The following DCP1B variants were observed in gnomAD, a reference collection of about 807,000 sequenced individuals.
The protein encoded by DCP1B is mRNA-decapping enzyme 1B.
A neutral mutation model predicts 60.5 loss-of-function variants in DCP1B; 47 were observed. The observed-to-expected ratio is 0.78, with a 90% CI of 0.61 to 0.99. The LOEUF is 0.99. Ranked by LOEUF, DCP1B falls within the 50% of genes least tolerant of loss-of-function variation. The pLI, the probability that DCP1B is intolerant of heterozygous loss-of-function variation, is 0.00. For missense variants in DCP1B, 725 were observed against 756.8 expected (o/e 0.96, Z 0.49); for synonymous variants, 267 against 280.3 (o/e 0.95, Z 0.47).
In DCP1B at chr12:2,004,385, A is replaced by C; in HGVS notation, c.47T>G (p.Ile16Ser). ...AGGLVGKGRDISLAALQRHDP... is the reference protein window; with the variant it reads ...AGGLVGKGRDSSLAALQRHDP... ...GTGGCGCTGCAGGGCCGCTAGGCTG[A>C]TGTCGCGCCCCTTTCCCACCAGGCC... The change falls in exon 1 of 9, where the codon ATC becomes AGC. Residue 16 changes from isoleucine (I) to serine (S), a missense_variant. Coordinates refer to ENST00000280665, the MANE Select transcript of DCP1B (RefSeq NM_152640.5). 2 of 1,612,676 alleles carry C rather than the reference A, an allele frequency of 1.2e-6. No individual in the cohort carries two copies. Among genetic ancestry groups the C allele is most frequent in the Non-Finnish European group, 1.7e-6 (2 of 1,179,762 alleles).
At chr12:1,993,529 C>T in intron 2 of DCP1B, 138 bp from the exon 3 acceptor site, 1 of 992,138 alleles carries the variant, frequency 1.0e-6, no homozygotes, top group Non-Finnish European at 1.5e-6. Flanking sequence ...TGTACACGTA[C>T]TTCTTCACCA....
At chr12:1,992,417 G>T (rs1343594703) in intron 3 of DCP1B, 5 of 153,148 alleles carry the variant, frequency 3.3e-5, no homozygotes, top group African/African-American at 1.2e-4. Flanking sequence ...CATGTATCTT[G>T]AGTTCAAAGA....
intron 1 of DCP1B, among the ~76,000 whole-genome samples, chr12:2,001,848 T>C (rs2042263541): frequency 6.6e-6 from 1 of 152,230 alleles, no homozygotes; most frequent in African/African-American, 2.4e-5. Flanking sequence ...CACAACACTC[T>C]TCCCTTCAGT....
In DCP1B at chr12:1,952,813, G is replaced by T. The variant is rs756294843; in HGVS notation, c.1127C>A (p.Pro376His). 2 of 1,614,198 alleles carry T rather than the reference G, an allele frequency of 1.2e-6. No individual in the cohort carries two copies. The highest frequency in any genetic ancestry group is 2.2e-5 in the South Asian group (2 of 91,084). ...GCGGTTCAGGGCAGCTGAGCTGGCA[G>T]GTGCTGGTGTACTAGGGTCACACTT... ...ANKCDPSTPAPASSAALNRSR... is the reference protein window; with the variant it reads ...ANKCDPSTPAHASSAALNRSR... Residue 376 changes from proline to histidine, a missense_variant, in exon 7 of 9, where the codon CCT (proline) becomes CAT (histidine). Pro to His is a moderately conservative substitution (Grantham distance 77, BLOSUM62 -2). Coordinates refer to ENST00000280665, the MANE Select transcript of DCP1B (RefSeq NM_152640.5).
chr12:1,979,527 G>A (rs112374329), intron 3 of DCP1B, among the ~76,000 whole-genome samples: 4,151 of 152,178 alleles, frequency 0.027, 95 homozygotes, highest in Middle Eastern at 0.061. Flanking sequence ...GGCCAGGCTC[G>A]TCTCGAACTC....
chr12:1,971,143 G>A lies in DCP1B; in HGVS notation c.320-3233C>T. 9 of 1,289,508 alleles carry A rather than the reference G, an allele frequency of 7.0e-6. No individual in the cohort carries two copies. The highest frequency in any genetic ancestry group is 2.1e-4 in the Middle Eastern group (1 of 4,696). 79.9% of individuals were successfully genotyped at this position (1,289,508 alleles called of 1,614,324 possible). On this transcript the variant is annotated intron_variant, in intron 3 of 8. Transcript: ENST00000280665. The surrounding 1 kb of genome is among the most constrained non-coding windows in gnomAD (Gnocchi z 4.2). ...ACCTGTCTGCCAACACGGAGGTCAA[G>A]TTTAAGGGTACTTTGGTGCATGAAG...
rs715146 is a variant in DCP1B at position 1,952,909 on chromosome 12, C to G, written c.1031G>C (p.Arg344Pro). ...AGTTCTGGAAGCATTTTGTACACCA[C>G]GAGAAGTTCCAATGTTGTGAGGAGA... ...PGSPHNIGTS[R>P]GVQNASRTQN... The change falls in exon 7 of 9, where the codon CGT becomes CCT. Residue 344 changes from arginine to proline, a missense_variant. By Grantham distance (103) the Arg-to-Pro change is moderately radical. Coordinates refer to ENST00000280665, the MANE Select transcript of DCP1B (RefSeq NM_152640.5). The G allele has an allele frequency of 5.6e-6, 9 of 1,614,026 alleles. No individual in the cohort carries two copies. In the East Asian group the frequency reaches 6.7e-5, roughly 12 times the overall value.
chr12:1,998,048 A>G (rs141515017), intron 1 of DCP1B, 73 bp from the exon 2 acceptor site: 16 of 1,353,990 alleles, frequency 1.2e-5, no homozygotes, highest in Non-Finnish European at 1.4e-5. Context: ...ACAAATTCTC[A>G]TAGAATAGGA....
chr12:1,961,232 T>C (rs781133192), intron 5 of DCP1B: 20 of 152,116 alleles, frequency 1.3e-4, no homozygotes, highest in Non-Finnish European at 2.2e-4. Context: ...TTTCAAATAT[T>C]TGTAGAGGGT....
intron 2 of DCP1B, among the ~76,000 whole-genome samples, chr12:1,995,227 C>T (rs1593290744): frequency 6.6e-6 from 1 of 151,868 alleles, no homozygotes; most frequent in African/African-American, 2.4e-5. Context: ...AAAAAAAAAC[C>T]CTACTAAAAA....
At chr12:1,955,973 T>C (rs1044818892) in intron 5 of DCP1B, among the ~76,000 whole-genome samples, 9 of 152,128 alleles carry the variant, frequency 5.9e-5, no homozygotes, top group African/African-American at 1.7e-4. Flanking sequence ...AATTGGAGAG[T>C]AGTTGAGTAC....
rs569410026 is a variant in DCP1B at position 1,948,843 on chromosome 12, G to A, written c.1773+243C>T. 3.9e-5 allele frequency among the ~76,000 whole-genome samples: 6 copies of A among 152,288 alleles called. No homozygotes were observed. The highest frequency in any genetic ancestry group is 7.4e-5 in the Non-Finnish European group (5 of 68,020). On this transcript the variant is annotated intron_variant, in intron 8 of 8. Transcript: ENST00000280665. This position sits in a 1 kb window ranked among gnomAD's most constrained non-coding sequence, Gnocchi z 4.8. The stretch of plus-strand genomic sequence containing the variant: ...TCTTCTGACAGGTGACAGCTTGGAG[G>A]CCTTAGACAGTCCTTCAAATTACAA...
intron 4 of DCP1B, chr12:1,966,219 A>T: frequency 6.6e-6 from 1 of 152,220 alleles, no homozygotes; most frequent in East Asian, 1.9e-4. Flanking sequence ...ACTGCCTTGA[A>T]GTCAAGGCAA....
At chr12:1,994,491 G>A (rs1317797213) in intron 2 of DCP1B, among the ~76,000 whole-genome samples, 1 of 152,214 alleles carries the variant, frequency 6.6e-6, no homozygotes. Context: ...AAGGGGTAAA[G>A]TGGTGGTAAG....
In DCP1B at chr12:1,949,318, C is replaced by G. The variant is rs771012070; in HGVS notation, c.1541G>C (p.Arg514Pro). 9 of 1,613,814 alleles carry G rather than the reference C, an allele frequency of 5.6e-6. No homozygotes were observed. The highest frequency in any genetic ancestry group is 7.6e-6 in the Non-Finnish European group (9 of 1,180,006). Reference protein sequence around the residue: ...TPLFQVISPQRIPATAAPSLL... With the variant: ...TPLFQVISPQPIPATAAPSLL... ...AGACGGAGCTGCTGTAGCAGGGATG[C>G]GCTGAGGTGAGATGACCTGCTCACA... is the stretch of plus-strand genomic sequence containing the variant. The change falls in exon 8 of 9, where the codon CGC (arginine) becomes CCC (proline). Residue 514 changes from arginine to proline, a missense_variant. Arg to Pro is a moderately radical substitution (Grantham distance 103, BLOSUM62 -2). Transcript: ENST00000280665.
At chr12:1,982,898 T>TA (rs1779491531) in intron 3 of DCP1B, among the ~76,000 whole-genome samples, 2 of 152,158 alleles carry the variant, frequency 1.3e-5, no homozygotes, top group South Asian at 4.1e-4. Flanking sequence ...ATTCACCAGT[T>TA]AAACTATCTG....
chr12:1,988,788 C>T (rs2038546092), intron 3 of DCP1B, among the ~76,000 whole-genome samples: 2 of 152,150 alleles, frequency 1.3e-5, no homozygotes, highest in African/African-American at 4.8e-5. Context: ...TTTTCCTTTT[C>T]ATTCAGGGTA....
chr12:1,955,617 A>T, intron 5 of DCP1B, 57 bp from the exon 6 acceptor site: 1 of 1,553,526 alleles, frequency 6.4e-7, no homozygotes, highest in South Asian at 1.2e-5. Flanking sequence ...TAGTCTTTTT[A>T]AAAGACTACC....
intron 3 of DCP1B, chr12:1,970,675 G>A (rs964426044): frequency 1.2e-5 from 2 of 165,182 alleles, no homozygotes; most frequent in African/African-American, 4.8e-5. Context: ...ATAAAAACCA[G>A]AGATCACCAT....
Sources: gnomAD v4.1 joint callset for allele counts (sites outside exome capture counted in the v4.1 genomes callset) on GRCh38, gnomAD v4.1.1 for gene constraint, Gnocchi (gnomAD v3.1) non-coding constraint, MANE v1.5 for transcripts, NCBI Gene and HGNC (gene_info 2026-07-23, HGNC 2026-07-21) for gene names.